RALYL: variants seen among roughly 807,000 people sequenced by gnomAD.
RALYL encodes RALY RNA binding protein like, also known as RNA-binding Raly-like protein.
RALYL carries 29 observed loss-of-function variants against 35.1 expected under a neutral mutation model. That is an observed-to-expected ratio of 0.83 (90% CI 0.61 to 1.13). The LOEUF (loss-of-function observed/expected upper bound fraction) is 1.13, where lower values mean the gene tolerates loss of function less well. Ranked by LOEUF, RALYL falls within the 50% of genes most tolerant of loss-of-function variation. The pLI is 0.00. For synonymous variants in RALYL, 120 were observed against 127.6 expected (o/e 0.94, Z 0.40); for missense variants, 359 against 360.4 (o/e 1.00, Z 0.03).
At chr8:84,836,946 C>A (rs1009590396) in intron 4 of RALYL, among the ~76,000 whole-genome samples, 1 of 152,176 alleles carries the variant, frequency 6.6e-6, no homozygotes, top group African/African-American at 2.4e-5. Flanking sequence ...ATTGTCCATA[C>A]CTGTTCCACA....
chr8:84,252,509 G>A (rs1390780170), intron 1 of RALYL, among the ~76,000 whole-genome samples: 1 of 152,138 alleles, frequency 6.6e-6, no homozygotes, highest in Non-Finnish European at 1.5e-5. Context: ...ATGATGCAAA[G>A]GCGCAGACCT....
intron 8 of RALYL, among the ~76,000 whole-genome samples, chr8:84,907,350 A>G (rs946642958): frequency 6.6e-6 from 1 of 151,196 alleles, no homozygotes; most frequent in South Asian, 2.1e-4. Flanking sequence ...ACACACACAC[A>G]CAGTGAAAAA....
chr8:84,290,280 C>T (rs1200770948), intron 1 of RALYL, among the ~76,000 whole-genome samples: 2 of 152,238 alleles, frequency 1.3e-5, no homozygotes, highest in South Asian at 4.1e-4. Flanking sequence ...GGTTGTGGCA[C>T]TTTGATAGTC....
intron 1 of RALYL, among the ~76,000 whole-genome samples, chr8:84,289,755 C>A (rs1452159543): frequency 1.3e-5 from 2 of 151,984 alleles, no homozygotes; most frequent in African/African-American, 4.8e-5. Context: ...CCAGGACTTG[C>A]CATTTTGTAA....
At chr8:84,449,892 T>G (rs1337340135) in intron 1 of RALYL, among the ~76,000 whole-genome samples, 1 of 151,936 alleles carries the variant, frequency 6.6e-6, no homozygotes, top group African/African-American at 2.4e-5. Context: ...ATTTACCACA[T>G]TTTTTGCAAA....
intron 1 of RALYL, among the ~76,000 whole-genome samples, chr8:84,219,518 G>T (rs973020114): frequency 6.6e-6 from 1 of 151,918 alleles, no homozygotes; most frequent in Non-Finnish European, 1.5e-5. Flanking sequence ...TTGTTTTTGT[G>T]TGCGTGTGTA....
rs141622470 is a variant in RALYL, at chr8:84,592,562, A to G, written c.256+62985A>G. 3.5e-3 allele frequency among the ~76,000 whole-genome samples: 536 copies of G among 152,256 alleles called. 4 individuals carry two copies. The highest frequency in any genetic ancestry group is 0.013 in the African/African-American group (520 of 41,572). ...CAAATCTGTTGTTATCATTAACACC[A>G]AACACTATTTATAAAGCACTTAATT... On this transcript the variant is annotated intron_variant, in intron 2 of 8. Transcript: ENST00000521268.
Position 84,415,740 on chromosome 8 carries a change from C to T in RALYL, c.-23-113559C>T, listed in dbSNP as rs1372884412. 3.3e-5 allele frequency among the ~76,000 whole-genome samples: 5 copies of T among 151,988 alleles called. No homozygotes were observed. In the South Asian group the frequency reaches 6.2e-4, roughly 19 times the overall value. On this transcript the variant is annotated intron_variant, in intron 1 of 8. Transcript: ENST00000521268. ...TAACAAAAGCAAATTGCTGAATTGCCGTTACAATAGTACTTAATTAATATG... is the reference window on the plus strand; with the variant it reads ...TAACAAAAGCAAATTGCTGAATTGCTGTTACAATAGTACTTAATTAATATG...
At chr8:84,527,284 C>A (rs1035469437) in intron 1 of RALYL, among the ~76,000 whole-genome samples, 2 of 152,054 alleles carry the variant, frequency 1.3e-5, no homozygotes, top group Non-Finnish European at 2.9e-5. Context: ...GAGCAGAGTC[C>A]AAGATAGCAT....
At chr8:84,191,791 ATAAT>A (rs541250799) in intron 1 of RALYL, among the ~76,000 whole-genome samples, 1 of 152,214 alleles carries the variant, frequency 6.6e-6, no homozygotes, top group Non-Finnish European at 1.5e-5. Context: ...ATGACAATTA[ATAAT>A]TAAATTGAGA....
At chr8:84,185,323 C>T (rs891568316) in intron 1 of RALYL, 1 of 435,410 alleles carries the variant, frequency 2.3e-6, no homozygotes, top group Admixed American at 3.5e-5. Flanking sequence ...TAAAGGTTTT[C>T]CCCTGAGAAC....
chr8:84,781,422 A>AT, intron 3 of RALYL, among the ~76,000 whole-genome samples: 1 of 152,334 alleles, frequency 6.6e-6, no homozygotes, highest in East Asian at 1.9e-4. Flanking sequence ...AGGCTAAAGA[A>AT]TGGCCTATTT....
intron 3 of RALYL, among the ~76,000 whole-genome samples, chr8:84,779,305 A>G (rs1715153689): frequency 6.6e-6 from 1 of 152,214 alleles, no homozygotes; most frequent in South Asian, 2.1e-4. Flanking sequence ...CTATTTGTAA[A>G]GTAGACAGAC....
intron 1 of RALYL, among the ~76,000 whole-genome samples, chr8:84,194,346 A>AT (rs145173519): frequency 0.11 from 16,744 of 149,884 alleles, 1,028 homozygotes; most frequent in East Asian, 0.25. Context: ...ACCAAAACAG[A>AT]TTTTTTTTTT....
intron 2 of RALYL, among the ~76,000 whole-genome samples, chr8:84,661,467 C>T (rs1244291717): frequency 6.6e-6 from 1 of 151,610 alleles, no homozygotes; most frequent in Non-Finnish European, 1.5e-5. Flanking sequence ...ATCAAATGTG[C>T]TTTTTATTAT....
chr8:84,898,668 G>T (rs192837735), intron 8 of RALYL, among the ~76,000 whole-genome samples: 1 of 152,140 alleles, frequency 6.6e-6, no homozygotes, highest in Non-Finnish European at 1.5e-5. Context: ...CTAAATGCTG[G>T]CAAGGAAGTG....
At chr8:84,670,917 C>T (rs1408573573) in intron 2 of RALYL, among the ~76,000 whole-genome samples, 1 of 152,168 alleles carries the variant, frequency 6.6e-6, no homozygotes, top group Non-Finnish European at 1.5e-5. Context: ...GAAGTCTTAA[C>T]TCATTTCATC....
chr8:84,697,233 A>G (rs1026501677), intron 2 of RALYL, among the ~76,000 whole-genome samples: 63 of 152,074 alleles, frequency 4.1e-4, no homozygotes, highest in Admixed American at 2.6e-3. Flanking sequence ...CCATAAATTG[A>G]AATTGATATT....
rs568516110 is a variant in RALYL at position 84,469,656 on chromosome 8, G to T, written c.-23-59643G>T. 3.9e-5 allele frequency among the ~76,000 whole-genome samples: 6 copies of T among 152,320 alleles called. No homozygotes were observed. The East Asian group carries it at 1.2e-3, about 29-fold the overall frequency. On this transcript the variant is annotated intron_variant, in intron 1 of 8. Coordinates refer to ENST00000521268, the MANE Select transcript of RALYL (RefSeq NM_173848.7). ...GGAAAGCAGGCCTCCTTGAGCTGTGGTGGGCTCCACCCAGTTCGAGCTTCC... is the reference window on the plus strand; with the variant it reads ...GGAAAGCAGGCCTCCTTGAGCTGTGTTGGGCTCCACCCAGTTCGAGCTTCC...
Sources: allele counts gnomAD v4.1 joint callset (sites outside exome capture counted in the v4.1 genomes callset), GRCh38; gene constraint gnomAD v4.1.1; transcripts MANE v1.5; gene names NCBI Gene and HGNC (gene_info 2026-07-23, HGNC 2026-07-21).